Variants in LPA observed in about 807,000 individuals in gnomAD.
The protein encoded by LPA is apolipoprotein(a).
A neutral mutation model predicts 197.9 loss-of-function variants in LPA; 199 were observed. That is an observed-to-expected ratio of 1.01 (90% CI 0.90 to 1.13). LPA has a LOEUF of 1.13. LPA is among the 50% of genes most tolerant of loss of function. LPA has a pLI of 0.00. For missense variants in LPA, 1,853 were observed against 1,785.8 expected, an observed-to-expected ratio of 1.04 and a Z score of -0.68; for synonymous variants, 715 against 639.5, an observed-to-expected ratio of 1.12 and a Z score of -1.78.
chr6:160,545,607 A>G (rs1274409422), intron 32 of LPA, 74 bp from the exon 33 acceptor site: 2 of 852,196 alleles, frequency 2.3e-6, no homozygotes, highest in Admixed American at 1.7e-5. Context: ...AGGCACACAC[A>G]TTTCACATCT....
chr6:160,606,692 G>A, intron 16 of LPA, 34 bp from the exon 17 acceptor site: 1 of 1,612,546 alleles, frequency 6.2e-7, no homozygotes, highest in South Asian at 1.1e-5. Flanking sequence ...GTCACAAGAG[G>A]TGGGACAATA....
intron 26 of LPA, among the ~76,000 whole-genome samples, chr6:160,581,400 A>G (rs946410518): frequency 3.3e-5 from 5 of 152,096 alleles, no homozygotes; most frequent in African/African-American, 1.2e-4. Context: ...CATGGGCTCC[A>G]GTGATCCTCC....
At chr6:160,590,668 G>A (rs2115043797) in intron 23 of LPA, among the ~76,000 whole-genome samples, 1 of 152,194 alleles carries the variant, frequency 6.6e-6, no homozygotes, top group African/African-American at 2.4e-5. Context: ...ATTTTCACTA[G>A]GACACTGAAA....
intron 16 of LPA, 85 bp downstream of exon 16, chr6:160,611,477 C>G: frequency 6.4e-7 from 1 of 1,573,886 alleles, no homozygotes; most frequent in South Asian, 1.1e-5. Flanking sequence ...AAGTTGAGTT[C>G]GGAGAACTCA....
At chr6:160,583,267 G>A (rs1050776145) in intron 26 of LPA, among the ~76,000 whole-genome samples, 7 of 152,186 alleles carry the variant, frequency 4.6e-5, no homozygotes, top group African/African-American at 1.7e-4. Context: ...CACACATTGT[G>A]CATACTATAT....
intron 26 of LPA, among the ~76,000 whole-genome samples, chr6:160,579,486 G>A (rs918189636): frequency 8.5e-5 from 13 of 152,148 alleles, no homozygotes; most frequent in African/African-American, 3.1e-4. Flanking sequence ...TGAAAGAACA[G>A]CGGGACCCAA....
At position 160,653,998 on chromosome 6, in the gene LPA, A is replaced by ATATATAG. The variant is rs1562354619; in HGVS notation, c.50-3502_50-3501insCTATATA. On this transcript the variant is annotated intron_variant, in intron 1 of 38. Coordinates refer to ENST00000316300, the MANE Select transcript of LPA (RefSeq NM_005577.4). ...TAATATATAATATATAATATATATT[A>ATATATAG]TATATAATATATATTATATATAATA... 9.0e-3 allele frequency among the ~76,000 whole-genome samples: 130 copies of ATATATAG among 14,390 alleles called. 10 individuals carry two copies. The highest frequency in any genetic ancestry group is 0.051 in the African/African-American group (127 of 2,498). The allele number at this position is 14,390 out of a possible 152,430, so 9.4% of individuals were successfully genotyped here.
chr6:160,610,038 T>A (rs372432033), intron 16 of LPA, among the ~76,000 whole-genome samples: 1 of 152,182 alleles, frequency 6.6e-6, no homozygotes, highest in Non-Finnish European at 1.5e-5. Context: ...TTGCACTTTT[T>A]TTAAATATCT....
intron 1 of LPA, among the ~76,000 whole-genome samples, chr6:160,654,250 A>G (rs1295818427): frequency 6.8e-6 from 1 of 147,316 alleles, no homozygotes; most frequent in Non-Finnish European, 1.5e-5. Flanking sequence ...GATGTTCAAG[A>G]GCAGGAAGCA....
intron 20 of LPA, among the ~76,000 whole-genome samples, chr6:160,596,169 G>A (rs1779128149): frequency 6.6e-6 from 1 of 152,184 alleles, no homozygotes; most frequent in Non-Finnish European, 1.5e-5. Flanking sequence ...ACTGGAAGAT[G>A]CTATAGTAAT....
chr6:160,660,863 T>C (rs1341578930), intron 1 of LPA, among the ~76,000 whole-genome samples: 2 of 152,136 alleles, frequency 1.3e-5, no homozygotes, highest in Non-Finnish European at 2.9e-5. Context: ...TTGGGGAGAA[T>C]TCAGTTTTTC....
At chr6:160,652,030 CA>C (rs1554243458) in intron 1 of LPA, among the ~76,000 whole-genome samples, 2 of 121,818 alleles carry the variant, frequency 1.6e-5, no homozygotes, top group Non-Finnish European at 1.8e-5. Flanking sequence ...AAAAAAAAAG[CA>C]GAAGAAGCAT....
chr6:160,600,888 G>A (rs760728608), intron 19 of LPA, 29 bp downstream of exon 19: 14 of 1,609,568 alleles, frequency 8.7e-6, no homozygotes, highest in Non-Finnish European at 9.3e-6. Context: ...CAGCATCCAA[G>A]CAGGTAAATG....
intron 22 of LPA, among the ~76,000 whole-genome samples, chr6:160,591,418 C>G (rs752924106): frequency 1.4e-4 from 21 of 152,306 alleles, no homozygotes; most frequent in Non-Finnish European, 2.8e-4. Context: ...TTTGGATTAA[C>G]TGAGAGATTT....
chr6:160,605,010 C>A, intron 18 of LPA, 36 bp downstream of exon 18: 4 of 1,611,952 alleles, frequency 2.5e-6, no homozygotes, highest in South Asian at 1.1e-5. Context: ...TTTCCACTGA[C>A]CCTTCCTTCA....
chr6:160,634,260 A>C, intron 7 of LPA, among the ~76,000 whole-genome samples: 1 of 105,110 alleles, frequency 9.5e-6, no homozygotes, highest in Non-Finnish European at 2.0e-5. Flanking sequence ...GCAATGCAGG[A>C]TGCAGGTGGT....
intron 16 of LPA, among the ~76,000 whole-genome samples, chr6:160,609,753 G>T (rs1277096928): frequency 6.6e-6 from 1 of 151,656 alleles, no homozygotes; most frequent in African/African-American, 2.4e-5. Context: ...ATTTCTTTAG[G>T]GATGTGCATG....
At chr6:160,551,104 G>A (rs549706597) in intron 30 of LPA, among the ~76,000 whole-genome samples, 1 of 152,140 alleles carries the variant, frequency 6.6e-6, no homozygotes, top group African/African-American at 2.4e-5. Flanking sequence ...TGAACTTTTG[G>A]AGAAACTATC....
chr6:160,604,466 T>G (rs1779305590), intron 18 of LPA, among the ~76,000 whole-genome samples: 1 of 152,188 alleles, frequency 6.6e-6, no homozygotes, highest in Non-Finnish European at 1.5e-5. Flanking sequence ...TCCACCCTTT[T>G]ACTTTACAGG....
Sources: allele counts gnomAD v4.1 joint callset (sites outside exome capture counted in the v4.1 genomes callset), GRCh38; gene constraint gnomAD v4.1.1; transcripts MANE v1.5; gene names NCBI Gene and HGNC (gene_info 2026-07-23, HGNC 2026-07-21).